Variants in TYRP1 observed in about 807,000 individuals in gnomAD.
TYRP1 encodes tyrosinase related protein 1.
TYRP1 carries 49 observed loss-of-function variants against 42.8 expected under a neutral mutation model. The ratio of observed to expected loss-of-function variants is 1.14; its 90% CI spans 0.91 to 1.45. TYRP1 has a LOEUF of 1.45. Among genes scored for constraint, TYRP1 ranks in the 40% most tolerant of loss-of-function variants. The pLI is 0.00. For missense variants in TYRP1, 848 were observed against 662.0 expected, an observed-to-expected ratio of 1.28 and a Z score of -3.08; for synonymous variants, 279 against 235.4, an observed-to-expected ratio of 1.19 and a Z score of -1.69.
chr9:12,697,901 C>T (rs1016951933), intron 3 of TYRP1, among the ~76,000 whole-genome samples: 1 of 152,234 alleles, frequency 6.6e-6, no homozygotes, highest in East Asian at 1.9e-4. Context: ...AAACACCTTC[C>T]GTGCTCAGTG....
At position 12,709,299 on chromosome 9, in the gene TYRP1, T is replaced by C; in HGVS notation, c.*117T>C. 9.1e-7 allele frequency: 1 copy of C among 1,100,774 alleles called. No homozygotes were observed. The highest frequency in any genetic ancestry group is 1.4e-6 in the Non-Finnish European group (1 of 737,856). The allele number at this position is 1,100,774 out of a possible 1,614,324, so 68.2% of individuals were successfully genotyped here. A position where few individuals can be genotyped will look rare whatever the true frequency, so the allele number is the denominator to read the frequency against. ...TTACCTTCTTTCTAATACAAGCATA[T>C]GTTAGCATTAAAGTTCTAGGCATAC... On this transcript the variant is annotated 3_prime_UTR_variant, in exon 8 of 8. Transcript: ENST00000388918.
At chr9:12,701,915 TA>T (rs1818175191) in intron 4 of TYRP1, 1 of 224,080 alleles carries the variant, frequency 4.5e-6, no homozygotes, top group African/African-American at 2.3e-5. Context: ...AGTGTAGAAC[TA>T]GATTTATGAG....
intron 3 of TYRP1, among the ~76,000 whole-genome samples, chr9:12,698,192 T>C (rs1430457746): frequency 6.6e-6 from 1 of 152,108 alleles, no homozygotes; most frequent in African/African-American, 2.4e-5. Context: ...CTTTATCCCT[T>C]TAAATCATTT....
At chr9:12,704,927 C>T (rs1177896265) in intron 6 of TYRP1, among the ~76,000 whole-genome samples, 2 of 152,130 alleles carry the variant, frequency 1.3e-5, no homozygotes, top group South Asian at 2.1e-4. Flanking sequence ...TAACCATTTG[C>T]TGGGACTAAC....
chr9:12,709,155 C>G lies in TYRP1; in HGVS notation c.1587C>G (p.Leu529=), dbSNP rs751016463. 17 of 1,612,342 alleles carry G rather than the reference C, an allele frequency of 1.1e-5. No homozygotes were observed. Among genetic ancestry groups the G allele is most frequent in the South Asian group, 2.2e-5 (2 of 91,058 alleles). ...YQCYAEEYEK[L]QNPNQSVV is the part of the protein sequence containing the mutation. ...GCTATGCTGAAGAATATGAAAAACT[C>G]CAGAATCCTAATCAGTCTGTGGTCT... The change falls in exon 8 of 8, where the codon CTC becomes CTG. Residue 529 remains leucine, a synonymous_variant. Transcript: ENST00000388918.
chr9:12,705,662 C>T (rs1465400319), intron 6 of TYRP1, among the ~76,000 whole-genome samples: 2 of 151,996 alleles, frequency 1.3e-5, no homozygotes, highest in Admixed American at 6.6e-5. Flanking sequence ...GCCTGGTCAA[C>T]ATGGTGAAAC....
intron 2 of TYRP1, 59 bp from the exon 3 acceptor site, chr9:12,695,456 T>C (rs1414226008): frequency 2.0e-6 from 3 of 1,517,124 alleles, no homozygotes; most frequent in South Asian, 1.1e-5. Flanking sequence ...GATTATGCTC[T>C]TTCTCTACCC....
rs1184179480 is a variant in TYRP1 at position 12,709,354 on chromosome 9, T to G, written c.*172T>G. The G allele has an allele frequency of 1.8e-5, 12 of 669,214 alleles. No individual in the cohort carries two copies. Among genetic ancestry groups the G allele is most frequent in the South Asian group, 1.6e-4 (9 of 56,376 alleles). 41.5% of individuals were successfully genotyped at this position (669,214 alleles called of 1,614,324 possible). The stretch of plus-strand genomic sequence containing the variant: ...CAAAGCTGGGAAGACCCTTTCAGAA[T>G]CTTTTCAATGGGTTTTAATTTTCAG... On this transcript the variant is annotated 3_prime_UTR_variant, in exon 8 of 8. Coordinates refer to ENST00000388918, the MANE Select transcript of TYRP1 (RefSeq NM_000550.3).
chr9:12,695,604 T>C lies in TYRP1; in HGVS notation c.475T>C (p.Phe159Leu). 6.2e-7 allele frequency: 1 copy of C among 1,614,192 alleles called. No individual in the cohort carries two copies. The stretch of plus-strand genomic sequence containing the variant: ...GGCAAAGCGCACAACTCACCCTTTA[T>C]TTGTCATTGCCACCAGGAGATCAGA... ...DMAKRTTHPL[F>L]VIATRRSEEI... Residue 159 changes from phenylalanine to leucine, a missense_variant, in exon 3 of 8, where the codon TTT becomes CTT. Coordinates refer to ENST00000388918, the MANE Select transcript of TYRP1 (RefSeq NM_000550.3).
chr9:12,696,478 T>C (rs2762460), intron 3 of TYRP1, among the ~76,000 whole-genome samples: 64,045 of 151,956 alleles, frequency 0.42, 17,344 homozygotes, highest in Non-Finnish European at 0.61. Context: ...ACTATGTATA[T>C]TTATATCAAA....
chr9:12,703,987 T>A (rs1306252123), intron 5 of TYRP1, among the ~76,000 whole-genome samples: 3 of 151,834 alleles, frequency 2.0e-5, no homozygotes, highest in Admixed American at 2.0e-4. Flanking sequence ...CAGTAGGTTT[T>A]CCCGATGTTT....
At position 12,709,739 on chromosome 9, in the gene TYRP1, T is replaced by TAGTC. The variant is rs1818327801; in HGVS notation, c.*559_*562dup. On this transcript the variant is annotated 3_prime_UTR_variant, in exon 8 of 8. Coordinates refer to ENST00000388918, the MANE Select transcript of TYRP1 (RefSeq NM_000550.3). Reference sequence around the variant, plus strand: ...TTGAAGACCAATCAAATATATTATTTAGTCAACATATACTATTTAGTCTCA... The same window carrying TAGTC: ...TTGAAGACCAATCAAATATATTATTTAGTCAGTCAACATATACTATTTAGTCTCA... 1 of 160,494 alleles carries TAGTC rather than the reference T, an allele frequency of 6.2e-6. No homozygotes were observed. 9.9% of individuals were successfully genotyped at this position (160,494 alleles called of 1,614,324 possible).
rs1315030965 is a variant in TYRP1, at chr9:12,709,131, C to G, written c.1563C>G (p.Cys521Trp). The G allele has an allele frequency of 2.5e-6, 4 of 1,612,476 alleles. No homozygotes were observed. Among genetic ancestry groups the G allele is most frequent in the Non-Finnish European group, 3.4e-6 (4 of 1,179,078 alleles). ...CTCTCCTCACTGATCAGTATCAATG[C>G]TATGCTGAAGAATATGAAAAACTCC... ...NQPLLTDQYQCYAEEYEKLQN... is the reference protein window; with the variant it reads ...NQPLLTDQYQWYAEEYEKLQN... The change falls in exon 8 of 8, where the codon TGC (cysteine) becomes TGG (tryptophan). Residue 521 changes from cysteine to tryptophan, a missense_variant. By Grantham distance (215) the Cys-to-Trp change is radical (BLOSUM62 -2). Transcript: ENST00000388918.
chr9:12,695,779 G>A lies in TYRP1; in HGVS notation c.650G>A (p.Gly217Glu), dbSNP rs1444493442. 2.5e-6 allele frequency: 4 copies of A among 1,613,966 alleles called. No individual in the cohort carries two copies. The African/African-American group carries it at 5.3e-5, about 22-fold the overall frequency. The change falls in exon 3 of 8, where the codon GGA becomes GAA. Residue 217 changes from glycine (G) to glutamate (E), a missense_variant. Gly to Glu is a moderately conservative substitution (Grantham distance 98). Transcript: ENST00000388918. ...SFGEVDFSHE[G>E]PAFLTWHRYH... ...GGTGAAGTGGATTTCTCTCATGAGGGACCAGCTTTTCTCACATGGCACAGG... is the reference window on the plus strand; with the variant it reads ...GGTGAAGTGGATTTCTCTCATGAGGAACCAGCTTTTCTCACATGGCACAGG...
rs758313845 is a variant in TYRP1 at position 12,694,038 on chromosome 9, C to T, written c.42C>T (p.Phe14=). Residue 14 remains phenylalanine (F), a synonymous_variant, in exon 2 of 8, where the codon TTC becomes TTT. Transcript: ENST00000388918. ...TCCTCTCTCTGGGCTGTATCTTCTT[C>T]CCCTTGCTACTTTTTCAGCAGGCCC... The part of the protein sequence containing the change: ...PKLLSLGCIF[F]PLLLFQQARA... The T allele has an allele frequency of 2.5e-6, 4 of 1,614,058 alleles. No individual in the cohort carries two copies. Among genetic ancestry groups the T allele is most frequent in the South Asian group, 2.2e-5 (2 of 91,072 alleles).
rs751763527 is a variant in TYRP1, at chr9:12,694,382, G to A, written c.385+1G>A. 6.2e-7 allele frequency: 1 copy of A among 1,613,854 alleles called. No homozygotes were observed. The highest frequency in any genetic ancestry group is 1.7e-5 in the Admixed American group (1 of 59,992). ...GCCTGTGACCAGAGGGTTCTCATAG[G>A]TAAGTGGAGATATGAATGAGTTCAT... On this transcript the variant is annotated splice_donor_variant, in intron 2 of 7. Transcript: ENST00000388918. LOFTEE classifies it high-confidence loss of function.
In TYRP1 at chr9:12,704,724, C is replaced by A. The variant is rs200736587; in HGVS notation, c.1261+19C>A. 5.0e-6 allele frequency: 8 copies of A among 1,609,420 alleles called. No homozygotes were observed. Among genetic ancestry groups the A allele is most frequent in the South Asian group, 1.1e-5 (1 of 91,052 alleles). ...AATGCTGGTAAGACATTTTCATATG[C>A]CTTTTGCATGCTCAGCTGGGCGGAT... is the stretch of plus-strand genomic sequence containing the variant. On this transcript the variant is annotated intron_variant, in intron 6 of 7. Transcript: ENST00000388918.
In TYRP1 at chr9:12,694,018, T is replaced by C. The variant is rs766047773; in HGVS notation, c.22T>C (p.Ser8Pro). 1 of 1,614,062 alleles carries C rather than the reference T, an allele frequency of 6.2e-7. No individual in the cohort carries two copies. Among genetic ancestry groups the C allele is most frequent in the South Asian group, 1.1e-5 (1 of 91,076 alleles). The part of the protein sequence containing the change: MSAPKLL[S>P]LGCIFFPLLL... ...CAGAATGAGTGCTCCTAAACTCCTC[T>C]CTCTGGGCTGTATCTTCTTCCCCTT... Residue 8 changes from serine to proline, a missense_variant, in exon 2 of 8, where the codon TCT becomes CCT. Coordinates refer to ENST00000388918, the MANE Select transcript of TYRP1 (RefSeq NM_000550.3).
chr9:12,697,726 T>C (rs531549048), intron 3 of TYRP1, among the ~76,000 whole-genome samples: 93 of 152,280 alleles, frequency 6.1e-4, no homozygotes, highest in African/African-American at 2.2e-3. Context: ...GAGGCCAGCA[T>C]TTTTAAAAAT....
Sources: gnomAD v4.1 joint callset for allele counts (sites outside exome capture counted in the v4.1 genomes callset) on GRCh38, gnomAD v4.1.1 for gene constraint, MANE v1.5 for transcripts, NCBI Gene and HGNC (gene_info 2026-07-23, HGNC 2026-07-21) for gene names.